WDR19: variants seen among roughly 807,000 people sequenced by gnomAD.
WDR19 encodes WD repeat-containing protein 19.
A neutral mutation model predicts 180.0 loss-of-function variants in WDR19; 121 were observed. The observed-to-expected ratio is 0.67, with a 90% CI of 0.58 to 0.78. The LOEUF is 0.78. WDR19 is among the 30% of genes least tolerant of loss of function. The pLI is 0.00. For missense variants in WDR19, 1,450 were observed against 1,640.7 expected, an observed-to-expected ratio of 0.88 and a Z score of 2.01; for synonymous variants, 497 against 540.7, an observed-to-expected ratio of 0.92 and a Z score of 1.12.
rs979167170 is a variant in WDR19, at chr4:39,271,750, G to C, written c.3484-1230G>C. ...AATTGGTTCTCTGACCTGTCCACAAGAGCAGTCATGTTATGAATGATTTAC... is the reference window on the plus strand; with the variant it reads ...AATTGGTTCTCTGACCTGTCCACAACAGCAGTCATGTTATGAATGATTTAC... On this transcript the variant is annotated intron_variant, in intron 31 of 36. Transcript: ENST00000399820. Among the ~76,000 whole-genome samples the C allele has an allele frequency of 3.3e-5, 5 of 152,054 alleles. No individual in the cohort carries two copies. The East Asian group carries it at 9.6e-4, about 29-fold the overall frequency.
intron 21 of WDR19, among the ~76,000 whole-genome samples, chr4:39,242,369 G>A (rs117323040): frequency 0.011 from 1,681 of 152,032 alleles, 36 homozygotes; most frequent in East Asian, 0.098. Context: ...CCATCCTCCC[G>A]CCTTAGCCTC....
intron 24 of WDR19, among the ~76,000 whole-genome samples, chr4:39,247,272 C>T (rs537498454): frequency 6.6e-6 from 1 of 152,278 alleles, no homozygotes; most frequent in East Asian, 1.9e-4. Context: ...CAGTAAACTC[C>T]AACAGACCTG....
chr4:39,255,972 C>A lies in WDR19; in HGVS notation c.3114+12C>A. ...GCCAATATTCACGAGTTAGTATTTG[C>A]CAAGAAAATATACACTGACTCCGCA... is the stretch of plus-strand genomic sequence containing the variant. On this transcript the variant is annotated intron_variant, in intron 27 of 36. Coordinates refer to ENST00000399820, the MANE Select transcript of WDR19 (RefSeq NM_025132.4). The A allele has an allele frequency of 7.0e-7, 1 of 1,427,884 alleles. No homozygotes were observed. The highest frequency in any genetic ancestry group is 9.4e-7 in the Non-Finnish European group (1 of 1,067,436). The allele number at this position is 1,427,884 out of a possible 1,614,324, so 88.5% of individuals were successfully genotyped here.
chr4:39,256,520 C>T (rs1164274908), intron 27 of WDR19, among the ~76,000 whole-genome samples: 3 of 152,110 alleles, frequency 2.0e-5, no homozygotes, highest in South Asian at 2.1e-4. Flanking sequence ...CCAGATCATA[C>T]GATTTTTTCA....
chr4:39,222,744 C>T (rs1729825637), intron 14 of WDR19, among the ~76,000 whole-genome samples: 1 of 152,120 alleles, frequency 6.6e-6, no homozygotes, highest in Non-Finnish European at 1.5e-5. Context: ...TTGTAAAATT[C>T]ACATGCAGTT....
intron 5 of WDR19, among the ~76,000 whole-genome samples, chr4:39,195,110 G>C (rs1360175833): frequency 6.6e-6 from 1 of 152,158 alleles, no homozygotes; most frequent in Non-Finnish European, 1.5e-5. Context: ...GCTCACGCCT[G>C]TAATCCCAGC....
At chr4:39,285,384 A>C (rs565951271) in intron 36 of WDR19, 103 bp from the exon 37 acceptor site, 6 of 152,328 alleles carry the variant, frequency 3.9e-5, no homozygotes, top group African/African-American at 1.4e-4. Flanking sequence ...CATTCTAGAA[A>C]CAGGCAAAAA....
chr4:39,263,779 C>G (rs568175010), intron 28 of WDR19, among the ~76,000 whole-genome samples: 1 of 152,132 alleles, frequency 6.6e-6, no homozygotes. Flanking sequence ...GTAAAATTAG[C>G]CGGGAGTGGT....
intron 36 of WDR19, among the ~76,000 whole-genome samples, chr4:39,279,897 T>TTCAA (rs1736297631): frequency 6.6e-6 from 1 of 151,930 alleles, no homozygotes; most frequent in Non-Finnish European, 1.5e-5. Context: ...GAGACGGGGT[T>TTCAA]TCACCATGTT....
Position 39,253,890 on chromosome 4 carries a change from A to G in WDR19, c.2877-16A>G. 6.3e-7 allele frequency: 1 copy of G among 1,581,920 alleles called. No individual in the cohort carries two copies. The highest frequency in any genetic ancestry group is 8.6e-7 in the Non-Finnish European group (1 of 1,163,908). ...TTTATATTAAGAGTCTAGCTAATTAAAGTACTTTGCTTTAGGTTTTTTCTA... is the reference window on the plus strand; with the variant it reads ...TTTATATTAAGAGTCTAGCTAATTAGAGTACTTTGCTTTAGGTTTTTTCTA... On this transcript the variant is annotated splice_polypyrimidine_tract_variant and intron_variant, in intron 25 of 36. Transcript: ENST00000399820.
At chr4:39,240,410 C>A in intron 21 of WDR19, 76 bp downstream of exon 21, 2 of 920,632 alleles carry the variant, frequency 2.2e-6, no homozygotes, top group Non-Finnish European at 1.5e-6. Context: ...AAATCATGGT[C>A]TTATTTGTAT....
chr4:39,201,067 A>G (rs1339076948), intron 6 of WDR19, among the ~76,000 whole-genome samples: 1 of 151,898 alleles, frequency 6.6e-6, no homozygotes, highest in East Asian at 1.9e-4. Flanking sequence ...ATATGATAGT[A>G]TGGGTTGGGG....
At chr4:39,222,215 T>A (rs1729772065) in intron 14 of WDR19, among the ~76,000 whole-genome samples, 1 of 152,232 alleles carries the variant, frequency 6.6e-6, no homozygotes, top group East Asian at 1.9e-4. Flanking sequence ...TTTCTGTATA[T>A]CTTTGGTGAA....
intron 15 of WDR19, among the ~76,000 whole-genome samples, chr4:39,225,378 C>T (rs1730147145): frequency 6.6e-6 from 1 of 152,174 alleles, no homozygotes; most frequent in Admixed American, 6.5e-5. Context: ...AGGCAGTGAG[C>T]TTATCTGTGC....
chr4:39,283,468 ACT>A (rs1736788177), intron 36 of WDR19, among the ~76,000 whole-genome samples: 1 of 151,152 alleles, frequency 6.6e-6, no homozygotes, highest in Non-Finnish European at 1.5e-5. Context: ...TGTCCTATCC[ACT>A]TTTTGTTCAG....
intron 30 of WDR19, among the ~76,000 whole-genome samples, 166 bp downstream of exon 30, chr4:39,268,257 A>T (rs767136886): frequency 8.5e-5 from 13 of 152,154 alleles, no homozygotes; most frequent in African/African-American, 3.1e-4. Context: ...GGGTTAAACA[A>T]TGTACTATCC....
chr4:39,259,129 C>T (rs1047914039), intron 28 of WDR19, among the ~76,000 whole-genome samples: 1 of 152,122 alleles, frequency 6.6e-6, no homozygotes, highest in African/African-American at 2.4e-5. Flanking sequence ...AAATATTTCC[C>T]TTACGTTTTC....
At chr4:39,201,799 A>G (rs998571125) in intron 6 of WDR19, among the ~76,000 whole-genome samples, 3 of 152,174 alleles carry the variant, frequency 2.0e-5, no homozygotes, top group Non-Finnish European at 4.4e-5. Flanking sequence ...GGAAGTCACT[A>G]CAATTCAGCC....
chr4:39,260,077 A>G (rs1443138395), intron 28 of WDR19, among the ~76,000 whole-genome samples: 2 of 151,008 alleles, frequency 1.3e-5, no homozygotes, highest in Admixed American at 6.6e-5. Context: ...CTTCAACTCT[A>G]TATCTCCTAA....
Sources: allele counts gnomAD v4.1 joint callset (sites outside exome capture counted in the v4.1 genomes callset), GRCh38; gene constraint gnomAD v4.1.1; transcripts MANE v1.5; gene names NCBI Gene and HGNC (gene_info 2026-07-23, HGNC 2026-07-21).